The following SMOC2 variants were observed in gnomAD, a reference collection of about 807,000 sequenced individuals.
SMOC2 encodes SPARC related modular calcium binding 2, also known as SPARC-related modular calcium-binding protein 2.
Under a neutral mutation model 61.4 loss-of-function variants are expected in SMOC2, and 39 were observed. The observed-to-expected ratio is 0.64, with a 90% CI of 0.49 to 0.83. SMOC2 has a LOEUF of 0.83. Ranked by LOEUF, SMOC2 falls within the 40% of genes least tolerant of loss-of-function variation. The pLI, the probability that SMOC2 is intolerant of heterozygous loss-of-function variation, is 0.00. For missense variants in SMOC2, 556 were observed against 592.9 expected (o/e 0.94, Z 0.65); for synonymous variants, 247 against 239.9 (o/e 1.03, Z -0.27).
chr6:168,536,756 C>T (rs960780393), intron 4 of SMOC2, among the ~76,000 whole-genome samples: 9 of 152,114 alleles, frequency 5.9e-5, no homozygotes, highest in Admixed American at 4.6e-4. Flanking sequence ...TGGGCCGTGC[C>T]GTCCCTGCTC....
At chr6:168,580,648 C>A (rs1008447688) in intron 7 of SMOC2, among the ~76,000 whole-genome samples, 6 of 152,154 alleles carry the variant, frequency 3.9e-5, no homozygotes, top group African/African-American at 1.4e-4. Flanking sequence ...CTCAAGTGAT[C>A]CTCCCACCTC....
chr6:168,565,605 C>A (rs1247302537), intron 7 of SMOC2, among the ~76,000 whole-genome samples: 1 of 152,208 alleles, frequency 6.6e-6, no homozygotes, highest in African/African-American at 2.4e-5. Flanking sequence ...AATTTTGAAT[C>A]CATAACAAGC....
chr6:168,518,592 A>G (rs902889355), intron 2 of SMOC2, among the ~76,000 whole-genome samples: 1 of 128,876 alleles, frequency 7.8e-6, no homozygotes. Context: ...TATGTGTGTG[A>G]ATGTGTGTTC....
At chr6:168,517,795 C>G (rs972384941) in intron 2 of SMOC2, among the ~76,000 whole-genome samples, 3 of 152,174 alleles carry the variant, frequency 2.0e-5, no homozygotes, top group African/African-American at 7.2e-5. Context: ...CACGTGGGAA[C>G]CCCCTGTGGG....
At chr6:168,659,792 G>A (rs1049934754) in intron 11 of SMOC2, among the ~76,000 whole-genome samples, 5 of 151,796 alleles carry the variant, frequency 3.3e-5, no homozygotes, top group Admixed American at 2.0e-4. Flanking sequence ...TAGGCTGAGT[G>A]AGGGTGGAGG....
chr6:168,457,975 A>G (rs1321794825), intron 1 of SMOC2, among the ~76,000 whole-genome samples: 1 of 152,094 alleles, frequency 6.6e-6, no homozygotes, highest in Non-Finnish European at 1.5e-5. Flanking sequence ...CCCACCTGCC[A>G]CAAAGATTGG....
At chr6:168,470,173 G>T (rs1476326612) in intron 1 of SMOC2, among the ~76,000 whole-genome samples, 1 of 152,178 alleles carries the variant, frequency 6.6e-6, no homozygotes, top group Non-Finnish European at 1.5e-5. Flanking sequence ...GTGTGGCTTT[G>T]TGGTGATCCT....
intron 8 of SMOC2, among the ~76,000 whole-genome samples, chr6:168,601,475 T>C (rs190182569): frequency 2.6e-5 from 4 of 152,366 alleles, no homozygotes; most frequent in Admixed American, 2.6e-4. Context: ...AACATAAAGC[T>C]TTTCAAGGTT....
intron 9 of SMOC2, among the ~76,000 whole-genome samples, chr6:168,650,107 C>A (rs371788639): frequency 6.6e-6 from 1 of 152,164 alleles, no homozygotes; most frequent in Admixed American, 6.5e-5. Context: ...ATACACAGTC[C>A]GCGCTGGGCT....
Position 168,666,782 on chromosome 6 carries a change from C to A in SMOC2, c.*344C>A. The A allele has an allele frequency of 3.9e-6, 1 of 253,718 alleles. No homozygotes were observed. The highest frequency in any genetic ancestry group is 7.6e-6 in the Non-Finnish European group (1 of 131,948). 15.7% of individuals were successfully genotyped at this position (253,718 alleles called of 1,614,324 possible). ...GCTGCAATCGTATGGCTTTCTCTAA[C>A]CCCTGCAGTCACTTCCAGATGCCTG... On this transcript the variant is annotated 3_prime_UTR_variant, in exon 13 of 13. Transcript: ENST00000356284.
At chr6:168,628,072 C>A (rs1200879459) in intron 9 of SMOC2, among the ~76,000 whole-genome samples, 2 of 152,346 alleles carry the variant, frequency 1.3e-5, no homozygotes, top group South Asian at 2.1e-4. Context: ...ACCTTCCTCA[C>A]CCCACAAGCC....
intron 8 of SMOC2, among the ~76,000 whole-genome samples, chr6:168,603,750 G>A (rs1785617852): frequency 6.6e-6 from 1 of 151,972 alleles, no homozygotes; most frequent in Admixed American, 6.6e-5. Flanking sequence ...AGGGACTTGG[G>A]ATGGGGCACA....
chr6:168,512,040 T>C (rs1378102256), intron 2 of SMOC2, among the ~76,000 whole-genome samples: 2 of 152,080 alleles, frequency 1.3e-5, no homozygotes, highest in African/African-American at 2.4e-5. Context: ...AGATGCTGTT[T>C]CTAAAGTGTT....
intron 1 of SMOC2, among the ~76,000 whole-genome samples, chr6:168,507,417 T>G (rs1462415635): frequency 6.6e-6 from 1 of 152,232 alleles, no homozygotes; most frequent in African/African-American, 2.4e-5. Context: ...TGCAAAGCTG[T>G]GCTGCCCCAG....
intron 9 of SMOC2, 65 bp from the exon 10 acceptor site, chr6:168,650,616 G>A (rs1787166853): frequency 1.4e-6 from 2 of 1,470,740 alleles, no homozygotes; most frequent in Non-Finnish European, 1.9e-6. Context: ...ACATTTCCCT[G>A]TATTTTAGAG....
intron 7 of SMOC2, among the ~76,000 whole-genome samples, chr6:168,584,805 G>A (rs1349764751): frequency 2.0e-5 from 3 of 152,132 alleles, no homozygotes; most frequent in Admixed American, 6.5e-5. Context: ...GGCCGTGCAC[G>A]GTGGGAGGAG....
At chr6:168,602,356 T>G (rs1785573911) in intron 8 of SMOC2, among the ~76,000 whole-genome samples, 2 of 152,212 alleles carry the variant, frequency 1.3e-5, no homozygotes, top group South Asian at 4.1e-4. Flanking sequence ...GCCGTCTTCT[T>G]CTTCCTGGTG....
At chr6:168,461,870 G>GTGATATTTTAAGTCACAAA (rs1781726053) in intron 1 of SMOC2, among the ~76,000 whole-genome samples, 1 of 152,126 alleles carries the variant, frequency 6.6e-6, no homozygotes, top group African/African-American at 2.4e-5. Flanking sequence ...GCTATTATTT[G>GTGATATTTTAAGTCACAAA]AGAAGCTGTG....
At chr6:168,459,535 A>G (rs1781667295) in intron 1 of SMOC2, among the ~76,000 whole-genome samples, 1 of 144,474 alleles carries the variant, frequency 6.9e-6, no homozygotes, top group Non-Finnish European at 1.5e-5. Context: ...CTGTAGCTAG[A>G]GCCCCAGGGT....
Sources: allele counts gnomAD v4.1 joint callset (sites outside exome capture counted in the v4.1 genomes callset), GRCh38; gene constraint gnomAD v4.1.1; transcripts MANE v1.5; gene names NCBI Gene and HGNC (gene_info 2026-07-23, HGNC 2026-07-21).